Variants in WIPF2 observed in about 807,000 individuals in gnomAD.
WIPF2 encodes the protein WAS/WASL-interacting protein family member 2.
Under a neutral mutation model 38.8 loss-of-function variants are expected in WIPF2, and 23 were observed. The observed-to-expected ratio is 0.59, with a 90% CI of 0.43 to 0.84. WIPF2 has a LOEUF of 0.84. Ranked by LOEUF, WIPF2 falls within the 40% of genes least tolerant of loss-of-function variation. The probability of loss-of-function intolerance (pLI) is 0.00; values close to 1 mark genes in which losing one functional copy is unlikely to be tolerated. For missense variants in WIPF2, 574 were observed against 580.5 expected (o/e 0.99, Z 0.11); for synonymous variants, 210 against 223.2 (o/e 0.94, Z 0.53).
Position 40,256,536 on chromosome 17 carries a change from C to T in WIPF2, c.63+14C>T. 1 of 1,594,562 alleles carries T rather than the reference C, an allele frequency of 6.3e-7. No homozygotes were observed. Among genetic ancestry groups the T allele is most frequent in the Non-Finnish European group, 8.5e-7 (1 of 1,172,198 alleles). ...ACATTTCATCAGGTAGGTAGTCCTT[C>T]CATTAGGCTATCTCAAAACCTTTGA... On this transcript the variant is annotated intron_variant, in intron 2 of 7. Coordinates refer to ENST00000323571, the MANE Select transcript of WIPF2 (RefSeq NM_133264.5).
chr17:40,257,194 G>A (rs547285647), intron 2 of WIPF2, among the ~76,000 whole-genome samples: 16 of 152,132 alleles, frequency 1.1e-4, no homozygotes, highest in South Asian at 1.0e-3. Flanking sequence ...GGCCAGGCTG[G>A]TCTTGAACTC....
At position 40,273,844 on chromosome 17, in the gene WIPF2, C is replaced by G. The variant is rs767879375; in HGVS notation, c.1025C>G (p.Pro342Arg). 6.3e-7 allele frequency: 1 copy of G among 1,588,558 alleles called. No homozygotes were observed. The highest frequency in any genetic ancestry group is 1.1e-5 in the South Asian group (1 of 90,146). ...AATGGTGCCAGGGATGCTCCCCCTCCCCCACCACCATACCGAATGCATGGG... is the reference window on the plus strand; with the variant it reads ...AATGGTGCCAGGGATGCTCCCCCTCGCCCACCACCATACCGAATGCATGGG... The part of the protein sequence containing the change: ...IRNGARDAPP[P>R]PPPYRMHGSE... The change falls in exon 6 of 8, where the codon CCC becomes CGC. Residue 342 changes from proline (P) to arginine (R), a missense_variant. Pro to Arg is a moderately radical substitution (Grantham distance 103, BLOSUM62 -2). Transcript: ENST00000323571.
At chr17:40,244,893 C>T (rs9893520) in intron 1 of WIPF2, among the ~76,000 whole-genome samples, 19,249 of 152,122 alleles carry the variant, frequency 0.13, 1,352 homozygotes, top group East Asian at 0.3. Flanking sequence ...ATACTCTCCC[C>T]CAATGGCCCT....
At chr17:40,219,604 G>T (rs1245718693) in intron 1 of WIPF2, 112 bp downstream of exon 1, 2 of 128,502 alleles carry the variant, frequency 1.6e-5, no homozygotes, top group African/African-American at 5.8e-5. Flanking sequence ...AAGAGAGGGG[G>T]GCATTAGAGG....
intron 3 of WIPF2, among the ~76,000 whole-genome samples, chr17:40,262,056 CTTTCT>C (rs766660128): frequency 5.4e-5 from 8 of 146,836 alleles, no homozygotes; most frequent in Non-Finnish European, 7.4e-5. Flanking sequence ...CCTAGCTTTC[CTTTCT>C]TTTCTTTTCT....
chr17:40,273,287 G>A (rs1329387681), intron 5 of WIPF2, among the ~76,000 whole-genome samples: 1 of 152,072 alleles, frequency 6.6e-6, no homozygotes, highest in African/African-American at 2.4e-5. Context: ...CTCCCGCCTC[G>A]GCCTCCCAAA....
intron 4 of WIPF2, among the ~76,000 whole-genome samples, chr17:40,262,951 C>T (rs1282643776): frequency 6.6e-6 from 1 of 152,082 alleles, no homozygotes; most frequent in Non-Finnish European, 1.5e-5. Context: ...AAGCCAGGCA[C>T]AAAAACACAA....
In WIPF2 at chr17:40,265,043, G is replaced by T. The variant is rs758781736; in HGVS notation, c.867G>T (p.Gly289=). 3 of 1,614,008 alleles carry T rather than the reference G, an allele frequency of 1.9e-6. No homozygotes were observed. The highest frequency in any genetic ancestry group is 2.5e-6 in the Non-Finnish European group (3 of 1,180,018). The change falls in exon 5 of 8, where the codon GGG becomes GGT. Residue 289 remains glycine (G), a synonymous_variant. Transcript: ENST00000323571. The stretch of plus-strand genomic sequence containing the variant: ...ATTCTTTGCATAGGAAGACACCAGG[G>T]CCTGTCAGAGGCCTAGCACCTCCTC... The part of the protein sequence containing the change: ...RHNSLHRKTP[G]PVRGLAPPPP...
intron 2 of WIPF2, among the ~76,000 whole-genome samples, chr17:40,257,144 A>G (rs1488046804): frequency 6.6e-6 from 1 of 151,798 alleles, no homozygotes; most frequent in Non-Finnish European, 1.5e-5. Flanking sequence ...ACGCCTGGCT[A>G]AGTTTTATAT....
At chr17:40,253,041 C>T (rs929349165) in intron 1 of WIPF2, among the ~76,000 whole-genome samples, 1 of 151,276 alleles carries the variant, frequency 6.6e-6, no homozygotes, top group African/African-American at 2.4e-5. Flanking sequence ...GCTAAGATTA[C>T]AGGCATTAGC....
intron 2 of WIPF2, among the ~76,000 whole-genome samples, chr17:40,257,729 C>CGAG (rs2031773836): frequency 1.6e-5 from 2 of 126,990 alleles, no homozygotes; most frequent in African/African-American, 6.6e-5. Context: ...GGCGACAGAG[C>CGAG]GAGGCTCCAT....
In WIPF2 at chr17:40,242,680, G is replaced by A. The variant is rs559297150; in HGVS notation, c.-69-13711G>A. On this transcript the variant is annotated intron_variant, in intron 1 of 7. Transcript: ENST00000323571. ...GCCTTCCAGAGTGCTGGGATTACAG[G>A]CATGAGCCACTGTGCCTGGCCAAGA... 2.4e-4 allele frequency among the ~76,000 whole-genome samples: 37 copies of A among 152,244 alleles called. 1 individual carries two copies.
chr17:40,249,979 C>G (rs1275219907), intron 1 of WIPF2, among the ~76,000 whole-genome samples: 1 of 150,966 alleles, frequency 6.6e-6, no homozygotes, highest in African/African-American at 2.4e-5. Flanking sequence ...ACTACAGGCA[C>G]CTGCCACCAT....
intron 1 of WIPF2, among the ~76,000 whole-genome samples, chr17:40,220,236 C>T (rs1310257221): frequency 6.6e-6 from 1 of 151,572 alleles, no homozygotes; most frequent in African/African-American, 2.4e-5. Context: ...CTTGGACTCC[C>T]AGAGTGCTGG....
In WIPF2 at chr17:40,219,362, GGGCGGTGGCGGCGGC is replaced by G; in HGVS notation, c.-194_-180del. 1.1e-5 allele frequency: 4 copies of G among 378,454 alleles called. No individual in the cohort carries two copies. The highest frequency in any genetic ancestry group is 4.7e-5 in the South Asian group (2 of 42,862). The allele number at this position is 378,454 out of a possible 1,614,324, so 23.4% of individuals were successfully genotyped here. On this transcript the variant is annotated 5_prime_UTR_variant, in exon 1 of 8. Transcript: ENST00000323571. ...AGATCCATTTCCGGGTTGGCAAAAGGGGCGGTGGCGGCGGCGGCGGCGGCGGCGGCGGCGGCGACG... is the reference window on the plus strand; with the variant it reads ...AGATCCATTTCCGGGTTGGCAAAAGGGGCGGCGGCGGCGGCGGCGGCGACG...
chr17:40,222,558 C>G (rs1029247511), intron 1 of WIPF2, among the ~76,000 whole-genome samples: 1 of 145,818 alleles, frequency 6.9e-6, no homozygotes, highest in South Asian at 2.2e-4. Context: ...CTGTTTCTTC[C>G]TCTTAGCCTT....
In WIPF2 at chr17:40,264,734, C is replaced by A. The variant is rs2032024935; in HGVS notation, c.558C>A (p.Ala186=). ...CCCCACCACCCCCAGGGCGGCGTGC[C>A]AACGCACCCCCCACACCTCTGCCTA... is the stretch of plus-strand genomic sequence containing the variant. ...APPPPPPGRR[A]NAPPTPLPMH... The change falls in exon 5 of 8, where the codon GCC becomes GCA. Residue 186 remains alanine (A), a synonymous_variant. Coordinates refer to ENST00000323571, the MANE Select transcript of WIPF2 (RefSeq NM_133264.5). 1 of 1,608,736 alleles carries A rather than the reference C, an allele frequency of 6.2e-7. No homozygotes were observed. Among genetic ancestry groups the A allele is most frequent in the African/African-American group, 1.3e-5 (1 of 74,712 alleles).
intron 1 of WIPF2, among the ~76,000 whole-genome samples, chr17:40,236,756 C>T (rs145993585): frequency 3.3e-4 from 50 of 151,082 alleles, no homozygotes; most frequent in African/African-American, 1.2e-3. Flanking sequence ...TTACAGGCGC[C>T]CACCATCACG....
At chr17:40,222,287 C>T (rs895111892) in intron 1 of WIPF2, among the ~76,000 whole-genome samples, 15 of 151,656 alleles carry the variant, frequency 9.9e-5, no homozygotes, top group African/African-American at 2.2e-4. Context: ...CTCCTGACCT[C>T]GTGATCTGCC....
Sources: gnomAD v4.1 joint callset for allele counts (sites outside exome capture counted in the v4.1 genomes callset) on GRCh38, gnomAD v4.1.1 for gene constraint, MANE v1.5 for transcripts, NCBI Gene and HGNC (gene_info 2026-07-23, HGNC 2026-07-21) for gene names.